The following SNED1 variants were observed in gnomAD, a reference collection of about 807,000 sequenced individuals.
SNED1 encodes sushi, nidogen and EGF like domains 1.
Under a neutral mutation model 166.7 loss-of-function variants are expected in SNED1, and 81 were observed. The observed-to-expected ratio is 0.49, with a 90% CI of 0.41 to 0.58. SNED1 has a LOEUF of 0.58. SNED1 is among the 20% of genes least tolerant of loss of function. The pLI is 0.00. For missense variants in SNED1, 1,604 were observed against 2,000.2 expected, an observed-to-expected ratio of 0.80 and a Z score of 3.78; for synonymous variants, 762 against 822.0, an observed-to-expected ratio of 0.93 and a Z score of 1.25.
intron 1 of SNED1, among the ~76,000 whole-genome samples, chr2:241,006,322 A>G (rs2060220667): frequency 1.3e-5 from 2 of 152,200 alleles, no homozygotes; most frequent in Admixed American, 1.3e-4. Context: ...CTTTATAATA[A>G]TTGCTTTAAA....
intron 6 of SNED1, 28 bp from the exon 7 acceptor site, chr2:241,040,047 T>C (rs1351580784): frequency 2.0e-6 from 3 of 1,519,360 alleles, no homozygotes; most frequent in African/African-American, 1.4e-5. Flanking sequence ...TGGGAGTCCA[T>C]CGTCCTGTCT....
At chr2:241,055,954 C>T (rs985346544) in intron 16 of SNED1, among the ~76,000 whole-genome samples, 6 of 152,232 alleles carry the variant, frequency 3.9e-5, no homozygotes, top group South Asian at 2.1e-4. Flanking sequence ...TACTCAGCTT[C>T]GCTACCTAGT....
chr2:241,001,353 A>T (rs947002103), intron 1 of SNED1, among the ~76,000 whole-genome samples: 1 of 152,276 alleles, frequency 6.6e-6, no homozygotes, highest in African/African-American at 2.4e-5. Context: ...GAAATAGCAC[A>T]TGGATTACTG....
intron 24 of SNED1, among the ~76,000 whole-genome samples, chr2:241,070,690 G>T (rs563941133): frequency 1.3e-5 from 2 of 152,346 alleles, no homozygotes; most frequent in Non-Finnish European, 2.9e-5. Flanking sequence ...CAGATGCTCC[G>T]AAGGGCTCAG....
At chr2:241,023,944 C>CAGT (rs2060851978) in intron 1 of SNED1, among the ~76,000 whole-genome samples, 1 of 118,846 alleles carries the variant, frequency 8.4e-6, no homozygotes, top group African/African-American at 3.4e-5. Flanking sequence ...GGCTGGAGTG[C>CAGT]AGTGACGGAA....
At chr2:241,034,360 GC>G (rs1386984473) in intron 3 of SNED1, among the ~76,000 whole-genome samples, 1 of 152,206 alleles carries the variant, frequency 6.6e-6, no homozygotes, top group Non-Finnish European at 1.5e-5. Context: ...CCCAGGGGAG[GC>G]CCAAGAGCCC....
chr2:241,050,058 C>T (rs1248928214), intron 12 of SNED1, 125 bp downstream of exon 12: 1 of 749,500 alleles, frequency 1.3e-6, no homozygotes, highest in East Asian at 2.7e-5. Context: ...AGAGCCTTGC[C>T]TGATGTGCTG....
chr2:240,998,477 C>T (rs914979853), upstream of SNED1, among the ~76,000 whole-genome samples: 6 of 152,184 alleles, frequency 3.9e-5, no homozygotes, highest in Non-Finnish European at 7.4e-5. Context: ...TGCCTGTGCC[C>T]ACGCCAGGGG....
At position 241,091,075 on chromosome 2, in the gene SNED1, C is replaced by T. The variant is rs2063943327; in HGVS notation, c.*2-563C>T. ...AAATATTAATGTATCTTTTTAAATG[C>T]TTGCCTAGCACATCCACTCCCATAA... On this transcript the variant is annotated intron_variant, in intron 31 of 31. Transcript: ENST00000310397. The surrounding 1 kb of genome is among the most constrained non-coding windows in gnomAD (Gnocchi z 4.1). Among the ~76,000 whole-genome samples the T allele has an allele frequency of 1.3e-5, 2 of 152,106 alleles. No individual in the cohort carries two copies.
At chr2:241,001,377 G>C (rs1282017664) in intron 1 of SNED1, among the ~76,000 whole-genome samples, 1 of 152,274 alleles carries the variant, frequency 6.6e-6, no homozygotes, top group East Asian at 1.9e-4. Flanking sequence ...TAGCAAGACA[G>C]CTCTGCCACA....
In SNED1 at chr2:241,069,997, C is replaced by T. The variant is rs1330435814; in HGVS notation, c.3385C>T (p.Pro1129Ser). 1.9e-6 allele frequency: 3 copies of T among 1,612,980 alleles called. No homozygotes were observed. Among genetic ancestry groups the T allele is most frequent in the Non-Finnish European group, 2.5e-6 (3 of 1,179,878 alleles). Residue 1129 changes from proline to serine, a missense_variant, in exon 24 of 32, where the codon CCA becomes TCA. Transcript: ENST00000310397. This position sits in a 1 kb window ranked among gnomAD's most constrained non-coding sequence, Gnocchi z 4.9. Reference sequence around the variant, plus strand: ...CCACGTGGTCTGGGATGCCCCGACTCCAGGCAGCTTGCTGGAGGCTTATGT... The same window carrying T: ...CCACGTGGTCTGGGATGCCCCGACTTCAGGCAGCTTGCTGGAGGCTTATGT... ...SAHVVWDAPT[P>S]GSLLEAYVIN...
At chr2:241,004,361 A>G (rs1446309398) in intron 1 of SNED1, among the ~76,000 whole-genome samples, 2 of 152,178 alleles carry the variant, frequency 1.3e-5, no homozygotes, top group African/African-American at 4.8e-5. Flanking sequence ...CTTCCTTTTA[A>G]TTAGAGTGTT....
At position 241,068,515 on chromosome 2, in the gene SNED1, T is replaced by A. The variant is rs740392; in HGVS notation, c.3195-396T>A. Among the ~76,000 whole-genome samples, 2,636 of 152,212 alleles carry A rather than the reference T, an allele frequency of 0.017. 197 individuals are homozygous for A. Among genetic ancestry groups the A allele is most frequent in the Admixed American group, 0.12 (1,829 of 15,288 alleles). ...AGGAAGACTCCAGCCAGCAGCTTCC[T>A]GGGGCTGGGGTGGCATTGGCCTCAC... On this transcript the variant is annotated intron_variant, in intron 22 of 31. Coordinates refer to ENST00000310397, the MANE Select transcript of SNED1 (RefSeq NM_001080437.3). The surrounding 1 kb of genome is among the most constrained non-coding windows in gnomAD (Gnocchi z 5.3).
chr2:241,037,196 T>G (rs1559248893), intron 5 of SNED1, 44 bp from the exon 6 acceptor site: 2 of 1,474,812 alleles, frequency 1.4e-6, no homozygotes, highest in South Asian at 2.4e-5. Context: ...AAACTCCTCA[T>G]CCGGGTTCCC....
chr2:241,021,196 G>T (rs1049978328), intron 1 of SNED1, among the ~76,000 whole-genome samples: 3 of 152,160 alleles, frequency 2.0e-5, no homozygotes, highest in African/African-American at 7.2e-5. Flanking sequence ...TTAGCTCCTT[G>T]TCAGTGCCCA....
intron 27 of SNED1, among the ~76,000 whole-genome samples, chr2:241,079,367 G>C (rs1248103338): frequency 2.0e-5 from 3 of 147,856 alleles, no homozygotes; most frequent in African/African-American, 7.6e-5. Context: ...AGCCAAGATC[G>C]CCCCACTGCA....
chr2:241,029,538 A>G (rs1211294268), intron 1 of SNED1, among the ~76,000 whole-genome samples: 1 of 152,178 alleles, frequency 6.6e-6, no homozygotes, highest in East Asian at 1.9e-4. Flanking sequence ...CAACATAGGA[A>G]TTTGGGGGGA....
At chr2:241,065,851 C>G (rs1204184275) in intron 21 of SNED1, among the ~76,000 whole-genome samples, 2 of 152,092 alleles carry the variant, frequency 1.3e-5, no homozygotes, top group Non-Finnish European at 2.9e-5. Context: ...CAGCACAACC[C>G]CCAGGCATGG....
chr2:241,013,470 T>C lies in SNED1; in HGVS notation c.213+14420T>C, dbSNP rs2060479478. 6.6e-6 allele frequency among the ~76,000 whole-genome samples: 1 copy of C among 152,132 alleles called. No homozygotes were observed. The highest frequency in any genetic ancestry group is 1.5e-5 in the Non-Finnish European group (1 of 68,020). ...CCCCGCTGGCCCTAGTAGCTGGGAT[T>C]ATAGGCACGCACCACCACCTCCAGC... On this transcript the variant is annotated intron_variant, in intron 1 of 31. Transcript: ENST00000310397. This position sits in a 1 kb window ranked among gnomAD's most constrained non-coding sequence, Gnocchi z 4.6.
Sources: allele counts gnomAD v4.1 joint callset (sites outside exome capture counted in the v4.1 genomes callset), GRCh38; gene constraint gnomAD v4.1.1; non-coding constraint Gnocchi (gnomAD v3.1); transcripts MANE v1.5; gene names NCBI Gene and HGNC (gene_info 2026-07-23, HGNC 2026-07-21).